Variants in SNRPD1 observed in about 807,000 individuals in gnomAD.
SNRPD1 encodes the protein small nuclear ribonucleoprotein Sm D1.
SNRPD1 carries 1 observed loss-of-function variant against 14.4 expected under a neutral mutation model. That is an observed-to-expected ratio of 0.07 (90% CI 0.02 to 0.33). The LOEUF is 0.33. SNRPD1 is among the 10% of genes least tolerant of loss of function. The probability of loss-of-function intolerance (pLI) is 1.00; values close to 1 mark genes in which losing one functional copy is unlikely to be tolerated. For missense variants in SNRPD1, 52 were observed against 146.4 expected (o/e 0.36, Z 3.33); for synonymous variants, 42 against 50.3 (o/e 0.83, Z 0.70).
intron 3 of SNRPD1, among the ~76,000 whole-genome samples, chr18:21,627,633 C>G (rs904087388): frequency 6.6e-6 from 1 of 151,920 alleles, no homozygotes; most frequent in Non-Finnish European, 1.5e-5. Context: ...AACACCCCTC[C>G]AACTCTGTTT....
At chr18:21,618,340 T>A (rs2850560) in intron 1 of SNRPD1, among the ~76,000 whole-genome samples, 75,460 of 150,742 alleles carry the variant, frequency 0.5, 21,496 homozygotes, top group African/African-American at 0.79. Context: ...AACCTCTGTT[T>A]AAAAAAAAAC....
chr18:21,618,946 G>A (rs376347717), intron 1 of SNRPD1, among the ~76,000 whole-genome samples: 23 of 152,132 alleles, frequency 1.5e-4, no homozygotes, highest in East Asian at 3.8e-4. Context: ...AGTCTAGTGC[G>A]GGAGGATAAT....
Position 21,631,155 on chromosome 18 carries a change from A to C in SNRPD1, c.*2017A>C, listed in dbSNP as rs1463848875. 1 of 152,008 alleles carries C rather than the reference A, an allele frequency of 6.6e-6. No homozygotes were observed. Among genetic ancestry groups the C allele is most frequent in the Non-Finnish European group, 1.5e-5 (1 of 68,018 alleles). The allele number at this position is 152,008 out of a possible 1,614,324, so 9.4% of individuals were successfully genotyped here. A position where few individuals can be genotyped will look rare whatever the true frequency, so the allele number is the denominator to read the frequency against. On this transcript the variant is annotated 3_prime_UTR_variant, in exon 4 of 4. Coordinates refer to ENST00000300413, the MANE Select transcript of SNRPD1 (RefSeq NM_006938.4). ...TTTTTCTTTCTTTCTTTTGAGACAG[A>C]GTCTTGCTGTGTCACCCAGGCTGGA...
chr18:21,616,087 G>A (rs1448690096), intron 1 of SNRPD1, among the ~76,000 whole-genome samples: 2 of 152,174 alleles, frequency 1.3e-5, no homozygotes, highest in African/African-American at 2.4e-5. Context: ...CTGGGTTCAC[G>A]CCATTCTCCT....
At chr18:21,625,845 A>G (rs2039034546) in intron 3 of SNRPD1, among the ~76,000 whole-genome samples, 1 of 151,290 alleles carries the variant, frequency 6.6e-6, no homozygotes, top group Non-Finnish European at 1.5e-5. Flanking sequence ...TCCTGACCTC[A>G]TGATCCGCCT....
rs2038926326 is a variant in SNRPD1 at position 21,612,546 on chromosome 18, G to A, written c.14+103G>A. ...TTTGCAGGAGGCGGGAAAGCCGCGT[G>A]TGCGCGGCCTGCTAACGGCCGGCCT... On this transcript the variant is annotated intron_variant, in intron 1 of 3. Coordinates refer to ENST00000300413, the MANE Select transcript of SNRPD1 (RefSeq NM_006938.4). The A allele has an allele frequency of 1.1e-5, 10 of 887,042 alleles. No individual in the cohort carries two copies. The Admixed American group carries it at 2.3e-4, about 20-fold the overall frequency. 54.9% of individuals were successfully genotyped at this position (887,042 alleles called of 1,614,324 possible). A position where few individuals can be genotyped will look rare whatever the true frequency, so the allele number is the denominator to read the frequency against.
In SNRPD1 at chr18:21,630,301, CAG is replaced by C. The variant is rs543805345; in HGVS notation, c.*1165_*1166del. 3.2e-4 allele frequency: 49 copies of C among 152,148 alleles called. No homozygotes were observed. Among genetic ancestry groups the C allele is most frequent in the African/African-American group, 1.1e-3 (47 of 41,520 alleles). The allele number at this position is 152,148 out of a possible 1,614,324, so 9.4% of individuals were successfully genotyped here. On this transcript the variant is annotated 3_prime_UTR_variant, in exon 4 of 4. Transcript: ENST00000300413. The stretch of plus-strand genomic sequence containing the variant: ...AAAATTGTTTTTGATTTGCTAAGCT[CAG>C]AAAAAATGTCTCTCAGTGCATCAGT...
intron 2 of SNRPD1, among the ~76,000 whole-genome samples, 165 bp from the exon 3 acceptor site, chr18:21,623,583 C>T (rs1432137435): frequency 6.6e-6 from 1 of 152,202 alleles, no homozygotes; most frequent in African/African-American, 2.4e-5. Context: ...TGCTGACATT[C>T]CCCCATTTAC....
intron 1 of SNRPD1, among the ~76,000 whole-genome samples, chr18:21,616,918 C>T (rs1176576785): frequency 6.6e-6 from 1 of 151,446 alleles, no homozygotes; most frequent in Non-Finnish European, 1.5e-5. Context: ...GATCTCCTGA[C>T]CTTGTGATCT....
Position 21,629,283 on chromosome 18 carries a change from C to G in SNRPD1, c.*145C>G. On this transcript the variant is annotated 3_prime_UTR_variant, in exon 4 of 4. Coordinates refer to ENST00000300413, the MANE Select transcript of SNRPD1 (RefSeq NM_006938.4). ...AAGTTTTAGTAGTTTCCTCCACATT[C>G]ACGAAATTACCACAGTGAGAGCTAA... 3.2e-6 allele frequency: 2 copies of G among 623,236 alleles called. No individual in the cohort carries two copies. Among genetic ancestry groups the G allele is most frequent in the South Asian group, 4.4e-5 (2 of 45,866 alleles). 38.6% of individuals were successfully genotyped at this position (623,236 alleles called of 1,614,324 possible).
At position 21,633,467 on chromosome 18, in the gene SNRPD1, G is replaced by A. The variant is rs1240131176; in HGVS notation, c.*4329G>A. On this transcript the variant is annotated 3_prime_UTR_variant, in exon 4 of 4. Transcript: ENST00000300413. ...GGCATTAAAAGTATATCTGATACTG[G>A]CCTTTATTAATGTGAAATTCTTGTG... 2 of 152,082 alleles carry A rather than the reference G, an allele frequency of 1.3e-5. No homozygotes were observed. The highest frequency in any genetic ancestry group is 4.8e-5 in the African/African-American group (2 of 41,406). The allele number at this position is 152,082 out of a possible 1,614,324, so 9.4% of individuals were successfully genotyped here.
chr18:21,622,664 C>G, intron 1 of SNRPD1, 61 bp from the exon 2 acceptor site: 1 of 814,780 alleles, frequency 1.2e-6, no homozygotes. Context: ...TTCACCCTTT[C>G]ACCTTAATAA....
Position 21,618,618 on chromosome 18 carries a change from T to G in SNRPD1, c.15-4107T>G, listed in dbSNP as rs138325445. On this transcript the variant is annotated intron_variant, in intron 1 of 3. Transcript: ENST00000300413. ...AATTCTAGGCTTTTCTAGTTATAAT[T>G]GATTGTTAAATTTGGAGCTGAATAA... Among the ~76,000 whole-genome samples the G allele has an allele frequency of 2.0e-5, 3 of 152,244 alleles. No individual in the cohort carries two copies. In the East Asian group the frequency reaches 5.8e-4, roughly 29 times the overall value.
Position 21,632,450 on chromosome 18 carries a change from C to CT in SNRPD1, c.*3313dup, listed in dbSNP as rs2039091167. 2 of 146,476 alleles carry CT rather than the reference C, an allele frequency of 1.4e-5. No individual in the cohort carries two copies. Among genetic ancestry groups the CT allele is most frequent in the African/African-American group, 2.6e-5 (1 of 38,292 alleles). The allele number at this position is 146,476 out of a possible 1,614,324, so 9.1% of individuals were successfully genotyped here. Reference sequence around the variant, plus strand: ...CTTCAGCCTGAGTGACAGAGCGAGACTGTTTCAAAAAAAAAAAAAAAATTT... The same window carrying CT: ...CTTCAGCCTGAGTGACAGAGCGAGACTTGTTTCAAAAAAAAAAAAAAAATTT... On this transcript the variant is annotated 3_prime_UTR_variant, in exon 4 of 4. Coordinates refer to ENST00000300413, the MANE Select transcript of SNRPD1 (RefSeq NM_006938.4).
intron 3 of SNRPD1, among the ~76,000 whole-genome samples, chr18:21,627,131 T>A (rs2039046023): frequency 6.6e-6 from 1 of 151,724 alleles, no homozygotes; most frequent in Non-Finnish European, 1.5e-5. Context: ...TAGCTGGGCG[T>A]GGTGGTGGGC....
intron 3 of SNRPD1, among the ~76,000 whole-genome samples, chr18:21,625,316 A>ATTTTTTTTTTT (rs144395165): frequency 0.018 from 1,922 of 108,878 alleles, 248 homozygotes; most frequent in African/African-American, 0.084. Flanking sequence ...GTTGAAAAAA[A>ATTTTTTTTTTT]TTTTTTTTTT....
rs1598496313 is a variant in SNRPD1, at chr18:21,631,979, T to C, written c.*2841T>C. 1 of 152,042 alleles carries C rather than the reference T, an allele frequency of 6.6e-6. No homozygotes were observed. The highest frequency in any genetic ancestry group is 2.1e-4 in the South Asian group (1 of 4,810). 9.4% of individuals were successfully genotyped at this position (152,042 alleles called of 1,614,324 possible). On this transcript the variant is annotated 3_prime_UTR_variant, in exon 4 of 4. Transcript: ENST00000300413. ...ACAGAAGCAGATAACAAATAAAAATTGGAGCTTAGTGCCGTGGTGCACACT... is the reference window on the plus strand; with the variant it reads ...ACAGAAGCAGATAACAAATAAAAATCGGAGCTTAGTGCCGTGGTGCACACT...
At chr18:21,624,365 C>G (rs2039019769) in intron 3 of SNRPD1, among the ~76,000 whole-genome samples, 1 of 142,112 alleles carries the variant, frequency 7.0e-6, no homozygotes, top group South Asian at 2.3e-4. Context: ...GGTGACAGAG[C>G]CACTGTCTCA....
At chr18:21,623,012 C>T (rs749036680) in intron 2 of SNRPD1, among the ~76,000 whole-genome samples, 19 of 151,678 alleles carry the variant, frequency 1.3e-4, no homozygotes, top group Admixed American at 2.6e-4. Context: ...CTGCAACATC[C>T]GCCGCCTGGG....
Sources: allele counts gnomAD v4.1 joint callset (sites outside exome capture counted in the v4.1 genomes callset), GRCh38; gene constraint gnomAD v4.1.1; transcripts MANE v1.5; gene names NCBI Gene and HGNC (gene_info 2026-07-23, HGNC 2026-07-21).